Variants in SYN2 observed in about 807,000 individuals in gnomAD.
The protein encoded by SYN2 is synapsin II, also known as synapsin-2.
Under a neutral mutation model 50.9 loss-of-function variants are expected in SYN2, and 19 were observed. The ratio of observed to expected loss-of-function variants is 0.37; its 90% CI spans 0.26 to 0.55. The LOEUF is 0.55. SYN2 is among the 20% of genes least tolerant of loss of function. The probability of loss-of-function intolerance (pLI) is 0.81; values close to 1 mark genes in which losing one functional copy is unlikely to be tolerated. For missense variants in SYN2, 587 were observed against 576.4 expected (o/e 1.02, Z -0.19); for synonymous variants, 255 against 224.9 (o/e 1.13, Z -1.20).
chr3:12,172,447 A>C (rs1697957358), intron 10 of SYN2, among the ~76,000 whole-genome samples: 1 of 152,242 alleles, frequency 6.6e-6, no homozygotes, highest in African/African-American at 2.4e-5. Context: ...TCACAGTTAC[A>C]GTATATTATG....
intron 10 of SYN2, among the ~76,000 whole-genome samples, chr3:12,172,284 C>G (rs893598096): frequency 6.6e-6 from 1 of 152,142 alleles, no homozygotes; most frequent in African/African-American, 2.4e-5. Flanking sequence ...CACATAATAC[C>G]TGGAGTTAGC....
chr3:12,025,885 C>G (rs1436946403), intron 1 of SYN2, among the ~76,000 whole-genome samples: 1 of 152,204 alleles, frequency 6.6e-6, no homozygotes, highest in Non-Finnish European at 1.5e-5. Flanking sequence ...CTCCAGCTGG[C>G]AAGCTCACGG....
intron 1 of SYN2, among the ~76,000 whole-genome samples, chr3:12,034,900 C>T (rs1051369062): frequency 6.6e-6 from 1 of 152,180 alleles, no homozygotes; most frequent in African/African-American, 2.4e-5. Context: ...AAAGTTTTAA[C>T]TTGTTCCACA....
chr3:12,072,870 A>G (rs1477721159), intron 1 of SYN2, among the ~76,000 whole-genome samples: 2 of 152,134 alleles, frequency 1.3e-5, no homozygotes, highest in Non-Finnish European at 2.9e-5. Flanking sequence ...CATAGTGTCT[A>G]TTAAAATATG....
At chr3:12,109,363 T>A (rs1696268126) in intron 1 of SYN2, among the ~76,000 whole-genome samples, 1 of 152,224 alleles carries the variant, frequency 6.6e-6, no homozygotes, top group Non-Finnish European at 1.5e-5. Flanking sequence ...TTATGAAGAT[T>A]ACAAAAGTCA....
chr3:12,176,707 G>T (rs570907957), intron 10 of SYN2, among the ~76,000 whole-genome samples: 201 of 152,282 alleles, frequency 1.3e-3, no homozygotes, highest in Non-Finnish European at 2.1e-3. Context: ...TGAGGCATTT[G>T]GCAAATCTAT....
intron 1 of SYN2, among the ~76,000 whole-genome samples, chr3:12,017,212 A>G (rs1003420540): frequency 6.6e-6 from 1 of 152,182 alleles, no homozygotes; most frequent in Admixed American, 6.5e-5. Flanking sequence ...AGGCAGGGAA[A>G]AGAGGGAAAG....
chr3:12,175,913 G>T (rs6809599), intron 10 of SYN2, among the ~76,000 whole-genome samples: 5,173 of 152,286 alleles, frequency 0.034, 273 homozygotes, highest in African/African-American at 0.11. Context: ...TCTGGTTGAT[G>T]ACAGCTTGGC....
At chr3:12,040,317 A>T (rs1286970942) in intron 1 of SYN2, among the ~76,000 whole-genome samples, 1 of 152,148 alleles carries the variant, frequency 6.6e-6, no homozygotes, top group Non-Finnish European at 1.5e-5. Flanking sequence ...CCTCTGATGA[A>T]CAGGAGAGAA....
rs1431477406 is a variant in SYN2 at position 12,187,359 on chromosome 3, C to G, written c.1370-10C>G. On this transcript the variant is annotated splice_polypyrimidine_tract_variant and intron_variant, in intron 11 of 12. Transcript: ENST00000621198. Reference sequence around the variant, plus strand: ...GTTAAATTATGAAGTTTTTCTTGTACTGAACCTAGGGGGCCCTGGGCAACC... The same window carrying G: ...GTTAAATTATGAAGTTTTTCTTGTAGTGAACCTAGGGGGCCCTGGGCAACC... 5 of 1,529,572 alleles carry G rather than the reference C, an allele frequency of 3.3e-6. No individual in the cohort carries two copies. The highest frequency in any genetic ancestry group is 1.4e-5 in the African/African-American group (1 of 72,448). 94.8% of individuals were successfully genotyped at this position (1,529,572 alleles called of 1,614,324 possible).
chr3:12,004,747 TCGGCGCCCGCGC>T lies in SYN2; in HGVS notation c.199_210del (p.Ala67_Pro70del). Reference sequence around the variant, plus strand: ...CCCGGAGCGGAGGCCGCCGCCCGCCTCGGCGCCCGCGCCGCAGCCCGCGCCGACGCCGTCGGT... The same window carrying T: ...CCCGGAGCGGAGGCCGCCGCCCGCCTCGCAGCCCGCGCCGACGCCGTCGGT... On this transcript the variant is annotated inframe_deletion, in exon 1 of 13. Coordinates refer to ENST00000621198, the MANE Select transcript of SYN2 (RefSeq NM_133625.6). 5.7e-6 allele frequency: 1 copy of T among 176,730 alleles called. No homozygotes were observed. Among genetic ancestry groups the T allele is most frequent in the Non-Finnish European group, 9.7e-6 (1 of 102,918 alleles). The allele number at this position is 176,730 out of a possible 1,614,324, so 10.9% of individuals were successfully genotyped here.
At chr3:12,184,056 C>T (rs1473062296) in intron 11 of SYN2, 15 of 986,240 alleles carry the variant, frequency 1.5e-5, no homozygotes, top group Non-Finnish European at 1.8e-5. Flanking sequence ...AAATTTGGTG[C>T]AGTTTGAGTT....
At chr3:12,016,091 T>C in intron 1 of SYN2, among the ~76,000 whole-genome samples, 1 of 152,236 alleles carries the variant, frequency 6.6e-6, no homozygotes, top group East Asian at 1.9e-4. Context: ...TTTATATTTC[T>C]AGATTCCAGT....
At chr3:12,094,743 G>C (rs1261798624) in intron 1 of SYN2, among the ~76,000 whole-genome samples, 1 of 152,154 alleles carries the variant, frequency 6.6e-6, no homozygotes, top group African/African-American at 2.4e-5. Flanking sequence ...AGAATGGACA[G>C]GATTTGCTAC....
At chr3:12,156,917 C>T in intron 5 of SYN2, 1 of 1,614,016 alleles carries the variant, frequency 6.2e-7, no homozygotes, top group Non-Finnish European at 8.5e-7. Context: ...CCTTGACTTT[C>T]TCAAACCCTT....
At chr3:12,162,823 T>G (rs1697685909) in intron 7 of SYN2, among the ~76,000 whole-genome samples, 1 of 152,172 alleles carries the variant, frequency 6.6e-6, no homozygotes, top group Non-Finnish European at 1.5e-5. Flanking sequence ...GGATGGAAAG[T>G]TAAAAATTTC....
At position 12,141,991 on chromosome 3, in the gene SYN2, T is replaced by C. The variant is rs1196840705; in HGVS notation, c.522T>C (p.Val174=). 2 of 780,834 alleles carry C rather than the reference T, an allele frequency of 2.6e-6. No individual in the cohort carries two copies. The highest frequency in any genetic ancestry group is 3.4e-5 in the Admixed American group (2 of 59,036). The allele number at this position is 780,834 out of a possible 1,614,324, so 48.4% of individuals were successfully genotyped here. The part of the protein sequence containing the change: ...DMQVLRNGTK[V]VRSFRPDFVL... ...AGGTTCTCCGGAATGGCACAAAGGT[T>C]GTCCGGTAAGGGTCTTTCTGTCCTC... The change falls in exon 3 of 13, where the codon GTT becomes GTC. Residue 174 remains valine, a synonymous_variant. Transcript: ENST00000621198.
At position 12,013,504 on chromosome 3, in the gene SYN2, C is replaced by G. The variant is rs545036611; in HGVS notation, c.377+8576C>G. On this transcript the variant is annotated intron_variant, in intron 1 of 12. Coordinates refer to ENST00000621198, the MANE Select transcript of SYN2 (RefSeq NM_133625.6). ...CCAAAACTTTGTCCTCATCTTTAGA[C>G]ATATGTGCAGCTGCCTGCTGGACAT... is the stretch of plus-strand genomic sequence containing the variant. Among the ~76,000 whole-genome samples, 33 of 152,248 alleles carry G rather than the reference C, an allele frequency of 2.2e-4. No individual in the cohort carries two copies. In the South Asian group the frequency reaches 5.4e-3, roughly 25 times the overall value.
intron 12 of SYN2, among the ~76,000 whole-genome samples, chr3:12,189,531 G>A (rs187349469): frequency 1.2e-4 from 19 of 152,254 alleles, no homozygotes; most frequent in Admixed American, 5.2e-4. Context: ...GGAAATTGCC[G>A]GGTGCGGTGG....
Sources: gnomAD v4.1 joint callset for allele counts (sites outside exome capture counted in the v4.1 genomes callset) on GRCh38, gnomAD v4.1.1 for gene constraint, MANE v1.5 for transcripts, NCBI Gene and HGNC (gene_info 2026-07-23, HGNC 2026-07-21) for gene names.